Variants in FAM120A observed in about 807,000 individuals in gnomAD.
The protein encoded by FAM120A is family with sequence similarity 120 member A.
FAM120A carries 15 observed loss-of-function variants against 109.7 expected under a neutral mutation model. The ratio of observed to expected loss-of-function variants is 0.14; its 90% CI spans 0.09 to 0.21. FAM120A has a LOEUF of 0.21. Among genes scored for constraint, FAM120A ranks in the 10% least tolerant of loss-of-function variants. The pLI, the probability that FAM120A is intolerant of heterozygous loss-of-function variation, is 1.00. For missense variants in FAM120A, 899 were observed against 1,439.3 expected (o/e 0.62, Z 6.07); for synonymous variants, 493 against 572.8 (o/e 0.86, Z 1.99).
chr9:93,541,759 C>CT (rs1861709257), intron 10 of FAM120A, among the ~76,000 whole-genome samples: 1 of 152,228 alleles, frequency 6.6e-6, no homozygotes, highest in African/African-American at 2.4e-5. Flanking sequence ...TAAGGGGACA[C>CT]TATCTGGAGT....
intron 7 of FAM120A, among the ~76,000 whole-genome samples, chr9:93,522,870 A>G (rs965954621): frequency 6.6e-6 from 1 of 152,220 alleles, no homozygotes; most frequent in African/African-American, 2.4e-5. Context: ...ACTGTGAAAG[A>G]TGAACCACAG....
chr9:93,504,188 A>C (rs1010683014), intron 5 of FAM120A, among the ~76,000 whole-genome samples: 17 of 152,238 alleles, frequency 1.1e-4, no homozygotes, highest in African/African-American at 4.1e-4. Context: ...AGTTAGGAGG[A>C]CATAGTGAAG....
rs571837582 is a variant in FAM120A at position 93,481,812 on chromosome 9, G to A, written c.804+5474G>A. On this transcript the variant is annotated intron_variant, in intron 3 of 17. Coordinates refer to ENST00000277165, the MANE Select transcript of FAM120A (RefSeq NM_014612.5). ...TTGAAAGACCCCTTTTCTGCATGGT[G>A]AGCCTCCCCTAGAAGTACTTGTCCT... Among the ~76,000 whole-genome samples the A allele has an allele frequency of 2.0e-5, 3 of 152,224 alleles. No individual in the cohort carries two copies. The South Asian group carries it at 6.2e-4, about 32-fold the overall frequency.
intron 11 of FAM120A, among the ~76,000 whole-genome samples, chr9:93,544,470 T>C (rs1404503660): frequency 6.6e-6 from 1 of 152,208 alleles, no homozygotes; most frequent in African/African-American, 2.4e-5. Flanking sequence ...TGAAGTTCAG[T>C]TGAGTTGGGA....
chr9:93,471,091 T>G, intron 1 of FAM120A, 50 bp from the exon 2 acceptor site: 1 of 1,592,090 alleles, frequency 6.3e-7, no homozygotes, highest in Non-Finnish European at 8.6e-7. Context: ...ATTGAGCTTG[T>G]TGCTACAGTG....
chr9:93,538,695 T>TA (rs1861601515), intron 10 of FAM120A, among the ~76,000 whole-genome samples: 1 of 152,224 alleles, frequency 6.6e-6, no homozygotes, highest in Non-Finnish European at 1.5e-5. Context: ...TACTTTATAA[T>TA]ACGGTCTTAC....
Position 93,543,414 on chromosome 9 carries a change from C to G in FAM120A, c.2102C>G (p.Ala701Gly). Residue 701 changes from alanine to glycine, a missense_variant, in exon 11 of 18, where the codon GCC becomes GGC. By Grantham distance (60) the Ala-to-Gly change is moderately conservative. Around this residue, in one of 11 missense-constraint regions of FAM120A, gnomAD observed 133 missense variants for 276.6 expected, o/e 0.48. Coordinates refer to ENST00000277165, the MANE Select transcript of FAM120A (RefSeq NM_014612.5). ...GCCTGCATGAGGTCGGACACCCCAG[C>G]CATGCTCAACCCTGCCAACGTGCCC... ...FLACMRSDTPAMLNPANVPTH... is the reference protein window; with the variant it reads ...FLACMRSDTPGMLNPANVPTH... 6.2e-7 allele frequency: 1 copy of G among 1,614,174 alleles called. No homozygotes were observed. The highest frequency in any genetic ancestry group is 8.5e-7 in the Non-Finnish European group (1 of 1,180,036).
chr9:93,565,409 A>C lies in FAM120A; in HGVS notation c.*869A>C, dbSNP rs11975. 0.26 allele frequency: 39,258 copies of C among 152,470 alleles called. 7,692 individuals carry two copies. The highest frequency in any genetic ancestry group is 0.56 in the African/African-American group (23,056 of 41,398). The allele number at this position is 152,470 out of a possible 1,614,324, so 9.4% of individuals were successfully genotyped here. A position where few individuals can be genotyped will look rare whatever the true frequency, so the allele number is the denominator to read the frequency against. On this transcript the variant is annotated 3_prime_UTR_variant, in exon 18 of 18. Coordinates refer to ENST00000277165, the MANE Select transcript of FAM120A (RefSeq NM_014612.5). ...GTTATCGTCCTTTCTTCCATTCTTA[A>C]CAGTATGTGCCCATTTGCAAAACAA... is the stretch of plus-strand genomic sequence containing the variant.
chr9:93,511,594 T>G (rs1860325132), intron 5 of FAM120A, among the ~76,000 whole-genome samples: 1 of 152,256 alleles, frequency 6.6e-6, no homozygotes, highest in African/African-American at 2.4e-5. Context: ...TAACTTTTTA[T>G]CTTCTGTAGA....
At position 93,451,723 on chromosome 9, in the gene FAM120A, T is replaced by C; in HGVS notation, c.-193T>C. 1.0e-6 allele frequency: 1 copy of C among 971,818 alleles called. No homozygotes were observed. The highest frequency in any genetic ancestry group is 1.2e-6 in the Non-Finnish European group (1 of 829,022). The allele number at this position is 971,818 out of a possible 1,614,324, so 60.2% of individuals were successfully genotyped here. A position where few individuals can be genotyped will look rare whatever the true frequency, so the allele number is the denominator to read the frequency against. On this transcript the variant is annotated 5_prime_UTR_variant, in exon 1 of 18. Transcript: ENST00000277165. ...CGGCGGCAGCGGCGGCGGCGGCAGG[T>C]CCCTCCCCAGACATGGCCCTGGGAG...
Position 93,529,534 on chromosome 9 carries a change from A to T in FAM120A, c.1688A>T (p.His563Leu), listed in dbSNP as rs1861239641. Residue 563 changes from histidine to leucine, a missense_variant, in exon 9 of 18, where the codon CAC becomes CTC. By Grantham distance (99) the His-to-Leu change is moderately conservative. Around this residue, in one of 11 missense-constraint regions of FAM120A, gnomAD observed 133 missense variants for 276.6 expected, o/e 0.48. Transcript: ENST00000277165. ...PEVLRVAEHR[H>L]KKGLMYPYIF... ...GTGCTGAGAGTGGCCGAGCACAGGC[A>T]CAAGAAGGGGCTGATGTACCCCTAC... 6.2e-7 allele frequency: 1 copy of T among 1,614,100 alleles called. No individual in the cohort carries two copies. The highest frequency in any genetic ancestry group is 1.3e-5 in the African/African-American group (1 of 74,954).
At chr9:93,545,857 C>T (rs1360207378) in intron 11 of FAM120A, among the ~76,000 whole-genome samples, 3 of 129,994 alleles carry the variant, frequency 2.3e-5, no homozygotes, top group African/African-American at 9.0e-5. Context: ...GTGATCATGG[C>T]TCACTGCAAC....
At position 93,452,032 on chromosome 9, in the gene FAM120A, C is replaced by T. The variant is rs887666237; in HGVS notation, c.117C>T (p.Pro39=). 183 of 1,565,332 alleles carry T rather than the reference C, an allele frequency of 1.2e-4. No homozygotes were observed. The highest frequency in any genetic ancestry group is 1.5e-4 in the Non-Finnish European group (175 of 1,156,014). ...GSLVGGGRQR[P]PQTPLRLLVD... The stretch of plus-strand genomic sequence containing the variant: ...TGGTGGGCGGCGGGCGGCAGCGGCC[C>T]CCGCAGACCCCGCTGCGCCTGCTGG... Residue 39 remains proline, a synonymous_variant, in exon 1 of 18, where the codon CCC becomes CCT. Coordinates refer to ENST00000277165, the MANE Select transcript of FAM120A (RefSeq NM_014612.5). The surrounding 1 kb of genome is among the most constrained non-coding windows in gnomAD (Gnocchi z 7.0).
intron 12 of FAM120A, among the ~76,000 whole-genome samples, chr9:93,554,688 A>G (rs999574188): frequency 6.6e-6 from 1 of 152,124 alleles, no homozygotes; most frequent in African/African-American, 2.4e-5. Context: ...AAAAAAAAAG[A>G]AACACCATTA....
At chr9:93,457,765 C>A (rs984742195) in intron 1 of FAM120A, among the ~76,000 whole-genome samples, 3 of 150,760 alleles carry the variant, frequency 2.0e-5, no homozygotes, top group African/African-American at 7.3e-5. Context: ...GAGCACTGAT[C>A]TTTATCAACA....
Position 93,461,128 on chromosome 9 carries a change from C to T in FAM120A, c.474+8739C>T, listed in dbSNP as rs180740270. 1.4e-4 allele frequency among the ~76,000 whole-genome samples: 22 copies of T among 152,254 alleles called. 1 individual carries two copies. Among genetic ancestry groups the T allele is most frequent in the Non-Finnish European group, 2.1e-4 (14 of 68,016 alleles). ...GAGTTTAGGATCTGTGATTTAGAAA[C>T]GGTACTTTTATGCGCCAGTCATTTG... On this transcript the variant is annotated intron_variant, in intron 1 of 17. Transcript: ENST00000277165.
At chr9:93,545,221 C>T (rs1861838166) in intron 11 of FAM120A, among the ~76,000 whole-genome samples, 2 of 152,158 alleles carry the variant, frequency 1.3e-5, no homozygotes, top group Admixed American at 6.5e-5. Context: ...CTCTCAGAGT[C>T]GGAGGTTCTG....
rs775029541 is a variant in FAM120A at position 93,564,487 on chromosome 9, G to A, written c.3304G>A (p.Ala1102Thr). The change falls in exon 18 of 18, where the codon GCT (alanine) becomes ACT (threonine). Residue 1102 changes from alanine (A) to threonine (T), a missense_variant. Physicochemically the swap from Ala to Thr is moderately conservative, Grantham distance 58. This residue lies in a region of FAM120A where 170 missense variants were observed against 205.0 expected (regional missense o/e 0.83). Transcript: ENST00000277165. ...TTTAAATGCACTAAGTACAGACAGC[G>A]CTTGCCGCAGAGAAGCTGCTCTGGA... is the stretch of plus-strand genomic sequence containing the variant. Reference protein sequence around the residue: ...PHLNALSTDSACRREAALEAA... With the variant: ...PHLNALSTDSTCRREAALEAA... 21 of 1,613,842 alleles carry A rather than the reference G, an allele frequency of 1.3e-5. No homozygotes were observed. In the East Asian group the frequency reaches 3.1e-4, roughly 24 times the overall value.
intron 5 of FAM120A, among the ~76,000 whole-genome samples, chr9:93,511,010 A>G (rs899152232): frequency 6.6e-5 from 10 of 151,608 alleles, no homozygotes; most frequent in Non-Finnish European, 1.2e-4. Flanking sequence ...CTGCTGTAGA[A>G]TGTTCTTGTA....
Sources: allele counts gnomAD v4.1 joint callset (sites outside exome capture counted in the v4.1 genomes callset), GRCh38; gene constraint gnomAD v4.1.1; regional missense constraint gnomAD v4.1.1; non-coding constraint Gnocchi (gnomAD v3.1); transcripts MANE v1.5; gene names NCBI Gene and HGNC (gene_info 2026-07-23, HGNC 2026-07-21).